ANKRD18B: variants seen among roughly 807,000 people sequenced by gnomAD.
ANKRD18B encodes ankyrin repeat domain 18B.
Under a neutral mutation model 111.8 loss-of-function variants are expected in ANKRD18B, and 75 were observed. The ratio of observed to expected loss-of-function variants is 0.67; its 90% CI spans 0.56 to 0.81. The LOEUF (loss-of-function observed/expected upper bound fraction) is 0.81, where lower values mean the gene tolerates loss of function less well. Among genes scored for constraint, ANKRD18B ranks in the 40% least tolerant of loss-of-function variants. The pLI, the probability that ANKRD18B is intolerant of heterozygous loss-of-function variation, is 0.00. For synonymous variants in ANKRD18B, 356 were observed against 417.3 expected (o/e 0.85, Z 1.79); for missense variants, 1,038 against 1,225.5 (o/e 0.85, Z 2.28).
At chr9:33,567,010 C>A (rs1005869515) in intron 15 of ANKRD18B, 93 bp from the exon 16 acceptor site, 5 of 1,276,988 alleles carry the variant, frequency 3.9e-6, no homozygotes, top group Non-Finnish European at 3.2e-6. Context: ...TTCAAAATTG[C>A]TCTTTGAATC....
In ANKRD18B at chr9:33,524,452, C is replaced by T. The variant is rs1409933950; in HGVS notation, c.-38C>T. 1.3e-5 allele frequency: 19 copies of T among 1,511,932 alleles called. No individual in the cohort carries two copies. In the African/African-American group the frequency reaches 2.4e-4, roughly 19 times the overall value. The allele number at this position is 1,511,932 out of a possible 1,614,324, so 93.7% of individuals were successfully genotyped here. On this transcript the variant is annotated 5_prime_UTR_variant, in exon 1 of 19. Transcript: ENST00000684830. ...GAAAGGCCACGAGGAGCCGCGGCGT[C>T]TCAGGAGCGGGTGGTGGGCATCTGA...
At chr9:33,532,584 G>A (rs1449665223) in intron 3 of ANKRD18B, among the ~76,000 whole-genome samples, 1 of 152,124 alleles carries the variant, frequency 6.6e-6, no homozygotes, top group Non-Finnish European at 1.5e-5. Context: ...CTATCCTCTT[G>A]CATTAGGAGA....
intron 14 of ANKRD18B, 103 bp downstream of exon 14, chr9:33,558,290 G>T (rs769982826): frequency 2.3e-6 from 3 of 1,309,894 alleles, no homozygotes; most frequent in Admixed American, 2.7e-5. Flanking sequence ...TTTGCTGCAC[G>T]TATCAATCCA....
At chr9:33,527,793 C>T (rs1828048015) in intron 1 of ANKRD18B, among the ~76,000 whole-genome samples, 1 of 152,074 alleles carries the variant, frequency 6.6e-6, no homozygotes, top group African/African-American at 2.4e-5. Flanking sequence ...TAATGTAAGG[C>T]CTCATGGATT....
Position 33,550,583 on chromosome 9 carries a change from T to C in ANKRD18B, c.2217+4T>C, listed in dbSNP as rs1188046600. ...ATTATTTCAAGTAGAAATTCAAGTA[T>C]GTATGGAATTTAACATGTAGACAGT... is the stretch of plus-strand genomic sequence containing the variant. On this transcript the variant is annotated splice_donor_region_variant and intron_variant, in intron 12 of 18. Coordinates refer to ENST00000684830, the MANE Select transcript of ANKRD18B (RefSeq NM_001393611.1). The C allele has an allele frequency of 1.3e-6, 2 of 1,533,098 alleles. No individual in the cohort carries two copies. The highest frequency in any genetic ancestry group is 1.7e-4 in the Middle Eastern group (1 of 5,890). 95.0% of individuals were successfully genotyped at this position (1,533,098 alleles called of 1,614,324 possible). A position where few individuals can be genotyped will look rare whatever the true frequency, so the allele number is the denominator to read the frequency against.
At position 33,566,436 on chromosome 9, in the gene ANKRD18B, A is replaced by G. The variant is rs769237559; in HGVS notation, c.2678A>G (p.Tyr893Cys). 1.2e-6 allele frequency: 2 copies of G among 1,610,330 alleles called. No individual in the cohort carries two copies. The highest frequency in any genetic ancestry group is 1.7e-6 in the Non-Finnish European group (2 of 1,179,136). Residue 893 changes from tyrosine (Y) to cysteine (C), a missense_variant, in exon 15 of 19, where the codon TAT (tyrosine) becomes TGT (cysteine). Transcript: ENST00000684830. ...GTAGAACTTGGTAAAGTACAAGAAT[A>G]TAAATCGGAGCTGGATGAAAGGGCA... ...DMVELGKVQE[Y>C]KSELDERAMQ...
At chr9:33,534,669 A>G (rs1225814406) in intron 5 of ANKRD18B, among the ~76,000 whole-genome samples, 162 bp downstream of exon 5, 1 of 152,230 alleles carries the variant, frequency 6.6e-6, no homozygotes, top group Non-Finnish European at 1.5e-5. Context: ...ACAGAAAGCT[A>G]GACTAGTTAG....
intron 1 of ANKRD18B, 136 bp downstream of exon 1, chr9:33,524,831 C>G (rs1828003863): frequency 9.1e-7 from 1 of 1,102,682 alleles, no homozygotes; most frequent in Non-Finnish European, 1.3e-6. Context: ...CTTTCCATCG[C>G]TGGGAATTTC....
At chr9:33,527,305 C>CT (rs1032794646) in intron 1 of ANKRD18B, among the ~76,000 whole-genome samples, 1 of 88,466 alleles carries the variant, frequency 1.1e-5, no homozygotes, top group Non-Finnish European at 2.8e-5. Context: ...CTTCATGTTT[C>CT]TTTTTTTGTT....
intron 3 of ANKRD18B, among the ~76,000 whole-genome samples, chr9:33,532,521 CT>C (rs988160948): frequency 6.6e-6 from 1 of 152,162 alleles, no homozygotes; most frequent in African/African-American, 2.4e-5. Flanking sequence ...AAAATTTTCA[CT>C]GGTCTCTCTT....
chr9:33,536,369 A>C (rs1828201605), intron 5 of ANKRD18B, among the ~76,000 whole-genome samples: 1 of 152,336 alleles, frequency 6.6e-6, no homozygotes. Context: ...ACTATGGAAA[A>C]ACACTCATCA....
chr9:33,555,908 A>T lies in ANKRD18B; in HGVS notation c.2330+88A>T, dbSNP rs558995300. On this transcript the variant is annotated intron_variant, in intron 13 of 18. Transcript: ENST00000684830. ...TTGACTAAAACTTTGATACAAATTC[A>T]TTTTATGTCTTCATTTTCATAATTA... 6.9e-5 allele frequency: 59 copies of T among 857,962 alleles called. No individual in the cohort carries two copies. In the African/African-American group the frequency reaches 9.4e-4, roughly 14 times the overall value. The allele number at this position is 857,962 out of a possible 1,614,324, so 53.1% of individuals were successfully genotyped here. A position where few individuals can be genotyped will look rare whatever the true frequency, so the allele number is the denominator to read the frequency against.
chr9:33,553,643 A>G (rs2118082250), intron 12 of ANKRD18B, among the ~76,000 whole-genome samples: 1 of 152,318 alleles, frequency 6.6e-6, no homozygotes, highest in Middle Eastern at 3.4e-3. Context: ...GAGCTTCCCA[A>G]TGACATAGTT....
chr9:33,524,849 T>C (rs1438874959), intron 1 of ANKRD18B, among the ~76,000 whole-genome samples, 154 bp downstream of exon 1: 1 of 152,242 alleles, frequency 6.6e-6, no homozygotes. Context: ...TTCCCGCCTG[T>C]AGCGCTTGGT....
At position 33,562,038 on chromosome 9, in the gene ANKRD18B, CCTTA is replaced by C. The variant is rs1400181873; in HGVS notation, c.2460+3858_2460+3861del. The stretch of plus-strand genomic sequence containing the variant: ...CAAAGGAGTCTGTGGCCAGCTTATA[CCTTA>C]CTTACTCTAAGACATGATGGCAAGT... On this transcript the variant is annotated intron_variant, in intron 14 of 18. Transcript: ENST00000684830. 2.6e-5 allele frequency among the ~76,000 whole-genome samples: 4 copies of C among 152,180 alleles called. No homozygotes were observed. The East Asian group carries it at 7.7e-4, about 29-fold the overall frequency.
rs550450178 is a variant in ANKRD18B, at chr9:33,533,445, A to G, written c.502A>G (p.Asn168Asp). ...ANIEALNKEG[N>D]TPLLFAINSR... ...TGTTTTTGCTTTCTTACAGGAGGGA[A>G]ACACTCCACTTTTGTTTGCTATAAA... Residue 168 changes from asparagine (N) to aspartate (D), a missense_variant, in exon 4 of 19, where the codon AAC (asparagine) becomes GAC (aspartate). Transcript: ENST00000684830. 1.1e-5 allele frequency: 16 copies of G among 1,520,898 alleles called. No individual in the cohort carries two copies. The East Asian group carries it at 3.7e-4, about 35-fold the overall frequency. The allele number at this position is 1,520,898 out of a possible 1,614,324, so 94.2% of individuals were successfully genotyped here. A position where few individuals can be genotyped will look rare whatever the true frequency, so the allele number is the denominator to read the frequency against.
intron 12 of ANKRD18B, among the ~76,000 whole-genome samples, chr9:33,554,644 TACAA>T (rs901972600): frequency 2.0e-5 from 3 of 152,068 alleles, no homozygotes; most frequent in African/African-American, 7.2e-5. Flanking sequence ...CTACTAAAAA[TACAA>T]ACAATTAGCT....
intron 1 of ANKRD18B, among the ~76,000 whole-genome samples, chr9:33,527,521 C>A (rs1828043324): frequency 1.3e-5 from 2 of 152,172 alleles, no homozygotes; most frequent in Non-Finnish European, 2.9e-5. Context: ...AGAGTTTCAC[C>A]ATGTTGGTCA....
chr9:33,548,078 T>C lies in ANKRD18B; in HGVS notation c.1290T>C (p.Ile430=). 1 of 1,536,440 alleles carries C rather than the reference T, an allele frequency of 6.5e-7. No homozygotes were observed. Among genetic ancestry groups the C allele is most frequent in the Non-Finnish European group, 8.8e-7 (1 of 1,142,326 alleles). Reference sequence around the variant, plus strand: ...AGGAAAAGAAATATATTCAGGAAATTAAAAGTATTACAGAAATAAATGCTA... The same window carrying C: ...AGGAAAAGAAATATATTCAGGAAATCAAAAGTATTACAGAAATAAATGCTA... ...LRKEKKYIQE[I]KSITEINANF... Residue 430 remains isoleucine, a synonymous_variant, in exon 11 of 19, where the codon ATT becomes ATC. Transcript: ENST00000684830.
Sources: gnomAD v4.1 joint callset for allele counts (sites outside exome capture counted in the v4.1 genomes callset) on GRCh38, gnomAD v4.1.1 for gene constraint, MANE v1.5 for transcripts, NCBI Gene and HGNC (gene_info 2026-07-23, HGNC 2026-07-21) for gene names.